Variants in ERBB3 observed in about 807,000 individuals in gnomAD.
ERBB3 encodes receptor tyrosine-protein kinase erbB-3.
Under a neutral mutation model 156.7 loss-of-function variants are expected in ERBB3, and 96 were observed. The ratio of observed to expected loss-of-function variants is 0.61; its 90% CI spans 0.52 to 0.73. The LOEUF is 0.73. Among genes scored for constraint, ERBB3 ranks in the 30% least tolerant of loss-of-function variants. The pLI, the probability that ERBB3 is intolerant of heterozygous loss-of-function variation, is 0.00. For synonymous variants in ERBB3, 567 were observed against 632.0 expected (o/e 0.90, Z 1.54); for missense variants, 1,406 against 1,709.4 (o/e 0.82, Z 3.13).
At position 56,094,091 on chromosome 12, in the gene ERBB3, C is replaced by T. The variant is rs1339291871; in HGVS notation, c.1614-8C>T. 2 of 1,611,704 alleles carry T rather than the reference C, an allele frequency of 1.2e-6. No individual in the cohort carries two copies. The highest frequency in any genetic ancestry group is 2.2e-5 in the East Asian group (1 of 44,882). On this transcript the variant is annotated splice_polypyrimidine_tract_variant and splice_region_variant and intron_variant, in intron 13 of 27. Transcript: ENST00000267101. ...GTGACCCCCCCCTCCCTTTATTCCC[C>T]ACTACAGGGAGCCTCGAGAATTTGC...
Position 56,088,048 on chromosome 12 carries a change from G to T in ERBB3, c.760G>T (p.Ala254Ser). 1 of 1,614,148 alleles carries T rather than the reference G, an allele frequency of 6.2e-7. No individual in the cohort carries two copies. The highest frequency in any genetic ancestry group is 2.2e-5 in the East Asian group (1 of 44,888). The change falls in exon 7 of 28, where the codon GCC becomes TCC. Residue 254 changes from alanine (A) to serine (S), a missense_variant. Physicochemically the swap from Ala to Ser is moderately conservative, Grantham distance 99 (BLOSUM62 1). This residue lies in a region of ERBB3 where 979 missense variants were observed against 1,219.6 expected (regional missense o/e 0.80). Coordinates refer to ENST00000267101, the MANE Select transcript of ERBB3 (RefSeq NM_001982.4). ...CTGCCGGCACTTCAATGACAGTGGA[G>T]CCTGTGTACCTCGCTGTCCACAGCC... ...FACRHFNDSG[A>S]CVPRCPQPLV...
chr12:56,082,783 A>C, intron 1 of ERBB3, among the ~76,000 whole-genome samples: 1 of 152,220 alleles, frequency 6.6e-6, no homozygotes, highest in Admixed American at 6.5e-5. Flanking sequence ...ATGTACCTCT[A>C]GTCTAGGCTC....
Position 56,095,817 on chromosome 12 carries a change from A to C in ERBB3, c.2055+11A>C. ...TTGGAACGGGGTGAGGTGAGTACTTAGCTTACTTTTGTTTTTTCTTTTCTT... is the reference window on the plus strand; with the variant it reads ...TTGGAACGGGGTGAGGTGAGTACTTCGCTTACTTTTGTTTTTTCTTTTCTT... On this transcript the variant is annotated intron_variant, in intron 17 of 27. Transcript: ENST00000267101. 2 of 1,614,072 alleles carry C rather than the reference A, an allele frequency of 1.2e-6. No homozygotes were observed. The highest frequency in any genetic ancestry group is 1.6e-4 in the Middle Eastern group (1 of 6,062).
At chr12:56,099,457 G>A (rs534918586) in intron 23 of ERBB3, among the ~76,000 whole-genome samples, 191 bp from the exon 24 acceptor site, 120 of 147,850 alleles carry the variant, frequency 8.1e-4, no homozygotes, top group Non-Finnish European at 1.5e-3. Context: ...ACCACGCCCA[G>A]CTAATTTTTT....
rs2136815608 is a variant in ERBB3 at position 56,095,746 on chromosome 12, C to T, written c.1995C>T (p.Tyr665=). ...TGATGCTGGGCGGCACTTTTCTCTA[C>T]TGGCGTGGGCGCCGGATTCAGAATA... ...IFMMLGGTFL[Y]WRGRRIQNKR... is the part of the protein sequence containing the mutation. The change falls in exon 17 of 28, where the codon TAC becomes TAT. Residue 665 remains tyrosine (Y), a synonymous_variant. Coordinates refer to ENST00000267101, the MANE Select transcript of ERBB3 (RefSeq NM_001982.4). 1.9e-6 allele frequency: 3 copies of T among 1,614,222 alleles called. No individual in the cohort carries two copies. The highest frequency in any genetic ancestry group is 1.7e-6 in the Non-Finnish European group (2 of 1,180,026).
At position 56,097,950 on chromosome 12, in the gene ERBB3, C is replaced by T. The variant is rs995905268; in HGVS notation, c.2616+10C>T. 3.1e-6 allele frequency: 5 copies of T among 1,612,526 alleles called. No individual in the cohort carries two copies. The African/African-American group carries it at 4.0e-5, about 13-fold the overall frequency. On this transcript the variant is annotated intron_variant, in intron 21 of 27. Transcript: ENST00000267101. ...ATACAGTGAGGCCAAGGTGAGGAGA[C>T]ACAAAGGGTAAGGAGGCGGGGGTGG...
chr12:56,085,474 A>T, intron 3 of ERBB3: 1 of 1,363,414 alleles, frequency 7.3e-7, no homozygotes, highest in South Asian at 2.1e-5. Context: ...GCCAGGCCTG[A>T]TGGCTTACAC....
intron 7 of ERBB3, 112 bp from the exon 8 acceptor site, chr12:56,088,431 G>T: frequency 1.1e-6 from 1 of 934,352 alleles, no homozygotes; most frequent in African/African-American, 1.6e-5. Flanking sequence ...GTGGCAGATG[G>T]GGACAAATCC....
chr12:56,095,368 G>A (rs1310655723), intron 16 of ERBB3, 58 bp downstream of exon 16: 3 of 1,424,738 alleles, frequency 2.1e-6, no homozygotes, highest in East Asian at 4.6e-5. Context: ...GGAGAGAGGT[G>A]GTTACCTGGA....
chr12:56,093,284 C>T lies in ERBB3; in HGVS notation c.1275-61C>T, dbSNP rs911007986. ...AGCAAATTTCTTGACTAACATGAAT[C>T]CTTTGAATAGTTAATGTTCCCTTAG... On this transcript the variant is annotated intron_variant, in intron 11 of 27. Transcript: ENST00000267101. The T allele has an allele frequency of 8.0e-5, 117 of 1,461,296 alleles. 1 individual carries two copies. The highest frequency in any genetic ancestry group is 1.1e-4 in the Non-Finnish European group (116 of 1,041,706). The allele number at this position is 1,461,296 out of a possible 1,614,324, so 90.5% of individuals were successfully genotyped here.
chr12:56,101,942 C>T lies in ERBB3; in HGVS notation c.3916C>T (p.His1306Tyr), dbSNP rs1456688764. 2 of 1,613,512 alleles carry T rather than the reference C, an allele frequency of 1.2e-6. No individual in the cohort carries two copies. The highest frequency in any genetic ancestry group is 1.3e-5 in the African/African-American group (1 of 74,862). Residue 1306 changes from histidine to tyrosine, a missense_variant, in exon 28 of 28, where the codon CAT (histidine) becomes TAT (tyrosine). Transcript: ENST00000267101. ...GCCTGGACATCAGGCCCCCCATGTC[C>T]ATTATGCCCGCCTAAAAACTCTACG... ...QGPGHQAPHVHYARLKTLRSL... is the reference protein window; with the variant it reads ...QGPGHQAPHVYYARLKTLRSL...
chr12:56,080,875 A>T (rs1868346192), intron 1 of ERBB3, among the ~76,000 whole-genome samples: 1 of 152,156 alleles, frequency 6.6e-6, no homozygotes, highest in Non-Finnish European at 1.5e-5. Flanking sequence ...TGGTGTTGGA[A>T]AAACAGGAGC....
intron 9 of ERBB3, among the ~76,000 whole-genome samples, chr12:56,091,175 C>G (rs1204374600): frequency 1.4e-5 from 2 of 146,566 alleles, no homozygotes; most frequent in Non-Finnish European, 3.0e-5. Flanking sequence ...GATCTCAGCT[C>G]ACTGCAACCT....
chr12:56,096,214 G>C (rs1868883921), intron 17 of ERBB3: 1 of 537,188 alleles, frequency 1.9e-6, no homozygotes, highest in Admixed American at 3.1e-5. Context: ...AGGTACTCAA[G>C]GTGGTAATAG....
intron 9 of ERBB3, among the ~76,000 whole-genome samples, chr12:56,091,876 A>G (rs1393863476): frequency 6.6e-6 from 1 of 152,076 alleles, no homozygotes. Context: ...TTCTAATTCC[A>G]TTATTCCTTC....
rs1338197979 is a variant in ERBB3 at position 56,092,986 on chromosome 12, G to A, written c.1184G>A (p.Gly395Asp). The A allele has an allele frequency of 1.9e-6, 3 of 1,613,808 alleles. No homozygotes were observed. Among genetic ancestry groups the A allele is most frequent in the South Asian group, 1.1e-5 (1 of 91,080 alleles). Residue 395 changes from glycine to aspartate, a missense_variant and splice_region_variant, in exon 11 of 28, where the codon GGT becomes GAT. This residue lies in a region of ERBB3 where 979 missense variants were observed against 1,219.6 expected (regional missense o/e 0.80). Coordinates refer to ENST00000267101, the MANE Select transcript of ERBB3 (RefSeq NM_001982.4). ...CATATGCCTCTCTCCAACCCCTCAG[G>A]TTACCTGAACATCCAGTCCTGGCCG... ...NVFRTVREIT[G>D]YLNIQSWPPH...
Position 56,101,365 on chromosome 12 carries a change from C to G in ERBB3, c.3502+4C>G. 6.2e-7 allele frequency: 1 copy of G among 1,613,944 alleles called. No homozygotes were observed. Among genetic ancestry groups the G allele is most frequent in the Non-Finnish European group, 8.5e-7 (1 of 1,179,846 alleles). ...ATGCCAGATACACACCTCAAAGGTGCCTGACTCTTCCTAGGGCTTTCCTCA... is the reference window on the plus strand; with the variant it reads ...ATGCCAGATACACACCTCAAAGGTGGCTGACTCTTCCTAGGGCTTTCCTCA... On this transcript the variant is annotated splice_donor_region_variant and intron_variant, in intron 27 of 27. Coordinates refer to ENST00000267101, the MANE Select transcript of ERBB3 (RefSeq NM_001982.4).
chr12:56,100,118 T>G, intron 25 of ERBB3, 56 bp from the exon 26 acceptor site: 5 of 1,588,212 alleles, frequency 3.1e-6, no homozygotes, highest in Non-Finnish European at 4.3e-6. Flanking sequence ...AAGGCCCCCA[T>G]GGTGAATGTA....
In ERBB3 at chr12:56,088,769, G is replaced by A. The variant is rs1281839539; in HGVS notation, c.1010G>A (p.Gly337Glu). The A allele has an allele frequency of 1.4e-5, 23 of 1,614,006 alleles. No individual in the cohort carries two copies. Among genetic ancestry groups the A allele is most frequent in the Non-Finnish European group, 1.9e-5 (23 of 1,180,030 alleles). The change falls in exon 9 of 28, where the codon GGG (glycine) becomes GAG (glutamate). Residue 337 changes from glycine (G) to glutamate (E), a missense_variant. By Grantham distance (98) the Gly-to-Glu change is moderately conservative. Coordinates refer to ENST00000267101, the MANE Select transcript of ERBB3 (RefSeq NM_001982.4). Reference sequence around the variant, plus strand: ...GCAGCCTGTGAGGGAACAGGCTCTGGGAGCCGCTTCCAGACTGTGGACTCG... The same window carrying A: ...GCAGCCTGTGAGGGAACAGGCTCTGAGAGCCGCTTCCAGACTGTGGACTCG... The part of the protein sequence containing the change: ...CPKACEGTGS[G>E]SRFQTVDSSN...
Sources: gnomAD v4.1 joint callset for allele counts (sites outside exome capture counted in the v4.1 genomes callset) on GRCh38, gnomAD v4.1.1 for gene constraint, gnomAD v4.1.1 regional missense constraint, MANE v1.5 for transcripts, NCBI Gene and HGNC (gene_info 2026-07-23, HGNC 2026-07-21) for gene names.